ATP13A4: variants seen among roughly 807,000 people sequenced by gnomAD.
ATP13A4 encodes the protein ATPase 13A4, also known as probable cation-transporting ATPase 13A4.
Under a neutral mutation model 142.5 loss-of-function variants are expected in ATP13A4, and 114 were observed. The observed-to-expected ratio is 0.80, with a 90% CI of 0.69 to 0.93. The LOEUF (loss-of-function observed/expected upper bound fraction) is 0.93. Ranked by LOEUF, ATP13A4 falls within the 40% of genes least tolerant of loss-of-function variation. The pLI is 0.00. For synonymous variants in ATP13A4, 488 were observed against 514.8 expected, an observed-to-expected ratio of 0.95 and a Z score of 0.70; for missense variants, 1,392 against 1,454.0, an observed-to-expected ratio of 0.96 and a Z score of 0.69.
At chr3:193,547,346 T>C in intron 1 of ATP13A4, among the ~76,000 whole-genome samples, 1 of 152,210 alleles carries the variant, frequency 6.6e-6, no homozygotes, top group East Asian at 1.9e-4. Context: ...GGCTTCCACA[T>C]TGTGTCATCC....
chr3:193,479,471 A>G (rs1158876484), intron 8 of ATP13A4, among the ~76,000 whole-genome samples: 1 of 152,182 alleles, frequency 6.6e-6, no homozygotes, highest in African/African-American at 2.4e-5. Context: ...CTAGACACCA[A>G]CAGTGACCAA....
intron 7 of ATP13A4, among the ~76,000 whole-genome samples, chr3:193,488,044 A>T (rs1719732923): frequency 6.6e-6 from 1 of 152,128 alleles, no homozygotes; most frequent in Non-Finnish European, 1.5e-5. Flanking sequence ...TGGGTGGATC[A>T]CTGGAGGTCA....
At chr3:193,536,851 A>T (rs1577061550) in intron 1 of ATP13A4, among the ~76,000 whole-genome samples, 1 of 152,104 alleles carries the variant, frequency 6.6e-6, no homozygotes, top group Non-Finnish European at 1.5e-5. Flanking sequence ...GAAATTAAAA[A>T]TACTACTACA....
At chr3:193,441,729 T>G (rs1490123191) in intron 19 of ATP13A4, 141 bp from the exon 20 acceptor site, 1 of 987,060 alleles carries the variant, frequency 1.0e-6, no homozygotes, top group Admixed American at 2.0e-5. Flanking sequence ...AAGCATTTTC[T>G]TTTTGCTGGA....
upstream of ATP13A4, among the ~76,000 whole-genome samples, chr3:193,558,703 G>C (rs1015009376): frequency 2.6e-5 from 4 of 152,166 alleles, no homozygotes; most frequent in African/African-American, 9.7e-5. Flanking sequence ...AGGAGACAGA[G>C]AGCAAAAGCA....
At chr3:193,437,103 C>CAAAAAAAAAAAA (rs1190025956) in intron 23 of ATP13A4, among the ~76,000 whole-genome samples, 13 of 62,824 alleles carry the variant, frequency 2.1e-4, no homozygotes, top group African/African-American at 9.3e-4. Flanking sequence ...GACTCCGTCT[C>CAAAAAAAAAAAA]AAAAAAAAAA....
At chr3:193,572,298 C>T (rs1456271928) in intron 2 of ATP13A4, among the ~76,000 whole-genome samples, 2 of 152,110 alleles carry the variant, frequency 1.3e-5, no homozygotes, top group Non-Finnish European at 2.9e-5. Context: ...ACTCTCTATC[C>T]TATCTTCATA....
At chr3:193,577,050 A>G (rs1724411790) in intron 2 of ATP13A4, among the ~76,000 whole-genome samples, 1 of 152,182 alleles carries the variant, frequency 6.6e-6, no homozygotes, top group African/African-American at 2.4e-5. Context: ...TGACTCCATA[A>G]TAGTAATCCA....
chr3:193,468,532 T>C (rs1718435997), intron 9 of ATP13A4, among the ~76,000 whole-genome samples: 1 of 151,888 alleles, frequency 6.6e-6, no homozygotes, highest in East Asian at 1.9e-4. Context: ...GCAGATCGCT[T>C]GAGCCAGGAG....
At chr3:193,431,602 C>T (rs1715973971) in intron 25 of ATP13A4, among the ~76,000 whole-genome samples, 1 of 145,348 alleles carries the variant, frequency 6.9e-6, no homozygotes, top group Non-Finnish European at 1.5e-5. Context: ...TCTATATATG[C>T]ATGTGTGTGT....
At chr3:193,513,806 G>A (rs991102021) in intron 2 of ATP13A4, among the ~76,000 whole-genome samples, 2 of 152,124 alleles carry the variant, frequency 1.3e-5, no homozygotes, top group African/African-American at 2.4e-5. Flanking sequence ...CAATCAGCTG[G>A]GACAGACAGC....
chr3:193,399,089 G>A lies in ATP13A4; in HGVS notation c.*3563C>T, dbSNP rs1454766412. Among the ~76,000 whole-genome samples, 1 of 152,116 alleles carries A rather than the reference G, an allele frequency of 6.6e-6. No homozygotes were observed. The highest frequency in any genetic ancestry group is 1.9e-4 in the East Asian group (1 of 5,178). ...TGTGAACATTTCCATAAGCACATAA[G>A]GATACAGATGTCACAGACATATTTA... is the stretch of plus-strand genomic sequence containing the variant. On this transcript the variant is annotated 3_prime_UTR_variant, in exon 30 of 30. Transcript: ENST00000342695.
At chr3:193,575,645 A>G (rs1452953202) in intron 2 of ATP13A4, among the ~76,000 whole-genome samples, 2 of 152,244 alleles carry the variant, frequency 1.3e-5, no homozygotes, top group East Asian at 3.8e-4. Flanking sequence ...AATCTCTATT[A>G]GATTAGCAGT....
intron 3 of ATP13A4, among the ~76,000 whole-genome samples, chr3:193,496,643 T>C (rs1314595153): frequency 6.6e-6 from 1 of 151,998 alleles, no homozygotes; most frequent in African/African-American, 2.4e-5. Context: ...GTACAAAAGT[T>C]AGCTGGGCAT....
chr3:193,404,827 A>G (rs1281739496), intron 29 of ATP13A4, among the ~76,000 whole-genome samples: 1 of 152,212 alleles, frequency 6.6e-6, no homozygotes, highest in Non-Finnish European at 1.5e-5. Context: ...TACAACTAGA[A>G]AAAAACGAAA....
At chr3:193,578,255 T>C (rs545154659) in intron 2 of ATP13A4, among the ~76,000 whole-genome samples, 2 of 152,120 alleles carry the variant, frequency 1.3e-5, no homozygotes, top group Non-Finnish European at 1.5e-5. Flanking sequence ...ATCACACCAT[T>C]GCACTCTAGC....
At chr3:193,558,418 A>T (rs551051164), upstream of ATP13A4, among the ~76,000 whole-genome samples, 1 of 152,222 alleles carries the variant, frequency 6.6e-6, no homozygotes, top group East Asian at 1.9e-4. Context: ...GAAGGATTCC[A>T]TTCACTCATT....
chr3:193,520,025 G>C (rs1323355509), intron 1 of ATP13A4, among the ~76,000 whole-genome samples: 1 of 152,006 alleles, frequency 6.6e-6, no homozygotes, highest in Non-Finnish European at 1.5e-5. Context: ...TGTCATAGTA[G>C]GATCAATTCA....
At chr3:193,518,609 A>G (rs1232168758) in intron 1 of ATP13A4, among the ~76,000 whole-genome samples, 5 of 152,212 alleles carry the variant, frequency 3.3e-5, no homozygotes, top group Non-Finnish European at 7.3e-5. Context: ...ATTATAAAGA[A>G]CTAATAAAGT....
Sources: allele counts gnomAD v4.1 joint callset (sites outside exome capture counted in the v4.1 genomes callset), GRCh38; gene constraint gnomAD v4.1.1; transcripts MANE v1.5; gene names NCBI Gene and HGNC (gene_info 2026-07-23, HGNC 2026-07-21).